Variants in RXRA observed in about 807,000 individuals in gnomAD.
The protein encoded by RXRA is retinoic acid receptor RXR-alpha.
In RXRA, 5 loss-of-function variants were observed where a neutral mutation model predicts 44.5. The ratio of observed to expected loss-of-function variants is 0.11; its 90% CI spans 0.06 to 0.24. The LOEUF (loss-of-function observed/expected upper bound fraction) is 0.24. Among genes scored for constraint, RXRA ranks in the 10% least tolerant of loss-of-function variants. The pLI is 1.00. For missense variants in RXRA, 412 were observed against 646.5 expected, an observed-to-expected ratio of 0.64 and a Z score of 3.93; for synonymous variants, 291 against 271.4, an observed-to-expected ratio of 1.07 and a Z score of -0.71.
At position 134,401,026 on chromosome 9, in the gene RXRA, C is replaced by T. The variant is rs35770823; in HGVS notation, c.29-606C>T. On this transcript the variant is annotated intron_variant, in intron 1 of 9. Transcript: ENST00000481739. ...GACATGGGAGTGGGTCAGCAGGCGC[C>T]GCCAGTCCTGGCTTGGCCACAGGTG... Among the ~76,000 whole-genome samples, 1,010 of 152,292 alleles carry T rather than the reference C, an allele frequency of 6.6e-3. 13 individuals carry two copies. Among genetic ancestry groups the T allele is most frequent in the African/African-American group, 0.022 (931 of 41,562 alleles).
Position 134,349,174 on chromosome 9 carries a change from G to C in RXRA, c.28+22515G>C, listed in dbSNP as rs56787611. On this transcript the variant is annotated intron_variant, in intron 1 of 9. Transcript: ENST00000481739. This position sits in a 1 kb window ranked among gnomAD's most constrained non-coding sequence, Gnocchi z 4.3. ...TGCCTCATGAGGGCCTGCACAGAGGGTCTTGCAGAAGAAGGGTCTGGCTGG... is the reference window on the plus strand; with the variant it reads ...TGCCTCATGAGGGCCTGCACAGAGGCTCTTGCAGAAGAAGGGTCTGGCTGG... Among the ~76,000 whole-genome samples the C allele has an allele frequency of 6.6e-6, 1 of 152,006 alleles. No homozygotes were observed.
At chr9:134,369,091 TTA>T (rs1408932613) in intron 1 of RXRA, among the ~76,000 whole-genome samples, 14 of 35,124 alleles carry the variant, frequency 4.0e-4, no homozygotes, top group African/African-American at 1.3e-3. Context: ...TGTGGGGTGG[TTA>T]TGTGTGTGTG....
chr9:134,431,308 C>T (rs1263928979), intron 7 of RXRA, among the ~76,000 whole-genome samples: 4 of 152,240 alleles, frequency 2.6e-5, no homozygotes, highest in East Asian at 1.9e-4. Context: ...ACGCCCCCAG[C>T]GTCTCCATGG....
intron 4 of RXRA, among the ~76,000 whole-genome samples, chr9:134,416,092 G>C (rs761827451): frequency 3.3e-5 from 5 of 152,132 alleles, no homozygotes; most frequent in Non-Finnish European, 7.4e-5. Context: ...TGTCTCGGGG[G>C]AACCGCCCAT....
Position 134,426,568 on chromosome 9 carries a change from C to A in RXRA, c.911-2540C>A. The stretch of plus-strand genomic sequence containing the variant: ...CTGGGCTCCTGACCTGTATCCCGTG[C>A]TGAGGGCCGCACCTCGGCTCAGCAG... On this transcript the variant is annotated intron_variant, in intron 6 of 9. Transcript: ENST00000481739. This position sits in a 1 kb window ranked among gnomAD's most constrained non-coding sequence, Gnocchi z 4.6. The A allele has an allele frequency of 2.0e-6, 2 of 985,462 alleles. No individual in the cohort carries two copies. Among genetic ancestry groups the A allele is most frequent in the Non-Finnish European group, 2.4e-6 (2 of 829,932 alleles). 61.0% of individuals were successfully genotyped at this position (985,462 alleles called of 1,614,324 possible).
At chr9:134,374,414 T>C (rs1051282146) in intron 1 of RXRA, among the ~76,000 whole-genome samples, 3 of 151,914 alleles carry the variant, frequency 2.0e-5, no homozygotes. Context: ...TCCTGAGGGG[T>C]GAGGGGGTGA....
At chr9:134,333,024 C>G (rs897502099) in intron 1 of RXRA, among the ~76,000 whole-genome samples, 1 of 152,136 alleles carries the variant, frequency 6.6e-6, no homozygotes, top group East Asian at 1.9e-4. Flanking sequence ...CTCCGGCCCC[C>G]CCTGCACTCC....
intron 1 of RXRA, among the ~76,000 whole-genome samples, chr9:134,348,756 TGCC>T (rs1830185357): frequency 6.6e-6 from 1 of 152,228 alleles, no homozygotes; most frequent in Non-Finnish European, 1.5e-5. Flanking sequence ...CGCCATGTGC[TGCC>T]TCAGGCACAA....
At chr9:134,331,814 A>G (rs2119009758) in intron 1 of RXRA, among the ~76,000 whole-genome samples, 1 of 152,178 alleles carries the variant, frequency 6.6e-6, no homozygotes, top group South Asian at 2.1e-4. Context: ...GGCCGCCTTG[A>G]GCTCCAGCTG....
intron 5 of RXRA, among the ~76,000 whole-genome samples, chr9:134,418,111 C>G (rs1425537854): frequency 6.6e-6 from 1 of 152,148 alleles, no homozygotes; most frequent in Non-Finnish European, 1.5e-5. Context: ...TTCTGAGCCC[C>G]TCCTACCCTA....
intron 1 of RXRA, among the ~76,000 whole-genome samples, chr9:134,360,166 A>G (rs1179658923): frequency 6.6e-6 from 1 of 152,122 alleles, no homozygotes; most frequent in Non-Finnish European, 1.5e-5. Context: ...GGGGTGGGCC[A>G]GGATCCCTGG....
At chr9:134,397,710 C>A (rs984271651) in intron 1 of RXRA, among the ~76,000 whole-genome samples, 1 of 152,166 alleles carries the variant, frequency 6.6e-6, no homozygotes, top group African/African-American at 2.4e-5. Context: ...TAAGTGGGCA[C>A]GGTGGGTGTA....
At chr9:134,368,991 G>A (rs1378223097) in intron 1 of RXRA, among the ~76,000 whole-genome samples, 1 of 128,858 alleles carries the variant, frequency 7.8e-6, no homozygotes, top group Non-Finnish European at 1.6e-5. Context: ...GTGTGTGAGT[G>A]CGGGGCTTGT....
At chr9:134,416,627 G>A (rs1167947377) in intron 4 of RXRA, among the ~76,000 whole-genome samples, 1 of 152,068 alleles carries the variant, frequency 6.6e-6, no homozygotes, top group Non-Finnish European at 1.5e-5. Context: ...TTGCCCAGGT[G>A]TCTCTGAGCC....
At chr9:134,349,000 A>T (rs1328316184) in intron 1 of RXRA, among the ~76,000 whole-genome samples, 2 of 152,170 alleles carry the variant, frequency 1.3e-5, no homozygotes, top group African/African-American at 4.8e-5. Context: ...AGGGGCTGGC[A>T]TATCCGAGAC....
chr9:134,431,647 C>T (rs866794069), intron 7 of RXRA, among the ~76,000 whole-genome samples: 1 of 152,198 alleles, frequency 6.6e-6, no homozygotes, highest in Non-Finnish European at 1.5e-5. Context: ...AGAATAAAGC[C>T]CCGCAGGCAG....
chr9:134,332,827 GTGGGCCT>G (rs1554746833), intron 1 of RXRA, among the ~76,000 whole-genome samples: 1 of 152,134 alleles, frequency 6.6e-6, no homozygotes, highest in East Asian at 1.9e-4. Context: ...CTGGTTTCAG[GTGGGCCT>G]TGGGGCCCCT....
At chr9:134,327,631 C>T (rs1834936645) in intron 1 of RXRA, among the ~76,000 whole-genome samples, 3 of 152,192 alleles carry the variant, frequency 2.0e-5, no homozygotes, top group Admixed American at 6.5e-5. Flanking sequence ...CCCCGCCATC[C>T]GTAGCCCCTC....
At chr9:134,381,613 C>A (rs549626768) in intron 1 of RXRA, among the ~76,000 whole-genome samples, 27 of 152,196 alleles carry the variant, frequency 1.8e-4, no homozygotes, top group Non-Finnish European at 2.5e-4. Flanking sequence ...TCCTCCATGG[C>A]CACAAGGCCC....
Sources: gnomAD v4.1 joint callset for allele counts (sites outside exome capture counted in the v4.1 genomes callset) on GRCh38, gnomAD v4.1.1 for gene constraint, Gnocchi (gnomAD v3.1) non-coding constraint, MANE v1.5 for transcripts, NCBI Gene and HGNC (gene_info 2026-07-23, HGNC 2026-07-21) for gene names.